Variants in ACSL6 observed in about 807,000 individuals in gnomAD.
ACSL6 encodes long-chain-fatty-acid--CoA ligase 6.
In ACSL6, 47 loss-of-function variants were observed where a neutral mutation model predicts 98.2. The ratio of observed to expected loss-of-function variants is 0.48; its 90% CI spans 0.38 to 0.61. The LOEUF is 0.61. ACSL6 is among the 20% of genes least tolerant of loss of function. The pLI is 0.00. For synonymous variants in ACSL6, 362 were observed against 336.9 expected, an observed-to-expected ratio of 1.07 and a Z score of -0.82; for missense variants, 761 against 913.4, an observed-to-expected ratio of 0.83 and a Z score of 2.15.
chr5:131,991,174 G>T (rs1451717391), intron 2 of ACSL6, among the ~76,000 whole-genome samples: 10 of 152,344 alleles, frequency 6.6e-5, no homozygotes, highest in Middle Eastern at 3.4e-3. Flanking sequence ...CTCCGACATA[G>T]TTGGCTCATG....
chr5:131,966,476 C>T lies in ACSL6; in HGVS notation c.1653G>A (p.Thr551=), dbSNP rs573978533. Residue 551 remains threonine (T), a synonymous_variant, in exon 17 of 21, where the codon ACG becomes ACA. Transcript: ENST00000651883. ...FKGYLKDPDR[T]KEALDSDGWL... ...AGCCATCGCTGTCCAGGGCCTCCTTCGTCCTGTCTGGATCTTTCAAGTAGC... is the reference window on the plus strand; with the variant it reads ...AGCCATCGCTGTCCAGGGCCTCCTTTGTCCTGTCTGGATCTTTCAAGTAGC... The T allele has an allele frequency of 9.3e-6, 15 of 1,614,224 alleles. No homozygotes were observed. The highest frequency in any genetic ancestry group is 5.5e-5 in the South Asian group (5 of 91,092).
chr5:131,976,555 AAAG>A, intron 10 of ACSL6, 90 bp downstream of exon 10: 1 of 1,192,482 alleles, frequency 8.4e-7, no homozygotes, highest in Non-Finnish European at 1.2e-6. Flanking sequence ...AAAAAAAAAA[AAAG>A]AAAAAGAAAA....
chr5:131,975,173 A>G, intron 10 of ACSL6: 1 of 1,384,254 alleles, frequency 7.2e-7, no homozygotes, highest in Non-Finnish European at 9.4e-7. Context: ...AGGGAGGGGG[A>G]AGGTGCAGAA....
intron 1 of ACSL6, chr5:132,006,921 GGCACAGA>G (rs1289596450): frequency 9.2e-5 from 14 of 152,168 alleles, no homozygotes; most frequent in African/African-American, 3.4e-4. Flanking sequence ...CCCCCACCTG[GGCACAGA>G]GCCTAGCATC....
rs1755702798 is a variant in ACSL6, at chr5:132,011,158, G to T, written c.49+347C>A. ...CTGGTCCCAGGAGATGGACAAGGACGCAATGTCTGTTCCTGGCCTTGGCTC... is the reference window on the plus strand; with the variant it reads ...CTGGTCCCAGGAGATGGACAAGGACTCAATGTCTGTTCCTGGCCTTGGCTC... On this transcript the variant is annotated intron_variant, in intron 1 of 20. Coordinates refer to ENST00000651883, the MANE Select transcript of ACSL6 (RefSeq NM_001009185.3). This position sits in a 1 kb window ranked among gnomAD's most constrained non-coding sequence, Gnocchi z 5.4. Among the ~76,000 whole-genome samples, 1 of 152,196 alleles carries T rather than the reference G, an allele frequency of 6.6e-6. No individual in the cohort carries two copies. The highest frequency in any genetic ancestry group is 1.9e-4 in the East Asian group (1 of 5,194).
chr5:132,002,215 G>A (rs1561811189), intron 1 of ACSL6, among the ~76,000 whole-genome samples: 1 of 152,240 alleles, frequency 6.6e-6, no homozygotes, highest in African/African-American at 2.4e-5. Context: ...CTCCTGTGCA[G>A]GAAGCCAAAT....
In ACSL6 at chr5:131,953,772, T is replaced by A. The variant is rs570477589; in HGVS notation, c.*462A>T. ...TTCTTTTAGCATGATTCTATACACC[T>A]AGCTTTAATTTTTGAAGTCTGATTT... On this transcript the variant is annotated 3_prime_UTR_variant, in exon 21 of 21. Transcript: ENST00000651883. The A allele has an allele frequency of 1.0e-3, 198 of 194,104 alleles. 1 individual carries two copies. Among genetic ancestry groups the A allele is most frequent in the African/African-American group, 4.3e-3 (188 of 43,318 alleles). The allele number at this position is 194,104 out of a possible 1,614,324, so 12.0% of individuals were successfully genotyped here.
rs553497785 is a variant in ACSL6, at chr5:131,951,851, T to C, written c.*2383A>G. The C allele has an allele frequency of 3.7e-4, 61 of 164,622 alleles. No homozygotes were observed. The highest frequency in any genetic ancestry group is 7.1e-4 in the Non-Finnish European group (54 of 75,720). 10.2% of individuals were successfully genotyped at this position (164,622 alleles called of 1,614,324 possible). ...ATCTGCCCGCCTCGGCCTCCCAAAGTGCTGGGATTACAGGCATGAGCCACC... is the reference window on the plus strand; with the variant it reads ...ATCTGCCCGCCTCGGCCTCCCAAAGCGCTGGGATTACAGGCATGAGCCACC... On this transcript the variant is annotated 3_prime_UTR_variant, in exon 21 of 21. Transcript: ENST00000651883.
At chr5:132,008,397 C>T (rs1429688086) in intron 1 of ACSL6, among the ~76,000 whole-genome samples, 1 of 152,210 alleles carries the variant, frequency 6.6e-6, no homozygotes, top group African/African-American at 2.4e-5. Context: ...AACTTTGTCT[C>T]GCCCCACCAG....
chr5:131,986,214 G>A (rs1157382819), intron 8 of ACSL6, among the ~76,000 whole-genome samples: 2 of 152,208 alleles, frequency 1.3e-5, no homozygotes, highest in Non-Finnish European at 2.9e-5. Flanking sequence ...AACACCAGGA[G>A]CTACCCATGC....
chr5:132,002,522 G>T (rs1007611083), intron 1 of ACSL6, among the ~76,000 whole-genome samples: 2 of 152,098 alleles, frequency 1.3e-5, no homozygotes, highest in South Asian at 2.1e-4. Flanking sequence ...TCACTGAGGT[G>T]GGGGGAGCAA....
chr5:131,986,165 G>A (rs1652127168), intron 8 of ACSL6, among the ~76,000 whole-genome samples: 1 of 152,190 alleles, frequency 6.6e-6, no homozygotes, highest in African/African-American at 2.4e-5. Flanking sequence ...TGGGAGAGTG[G>A]TTCTCTAAAA....
At chr5:131,965,830 T>C (rs982588745) in intron 17 of ACSL6, among the ~76,000 whole-genome samples, 4 of 152,186 alleles carry the variant, frequency 2.6e-5, no homozygotes, top group Admixed American at 2.0e-4. Flanking sequence ...TGAGGCAAAG[T>C]GGTTTTGGCT....
At chr5:132,011,662 G>T (rs1437936849), upstream of ACSL6, 3 of 1,261,968 alleles carry the variant, frequency 2.4e-6, no homozygotes, top group Admixed American at 4.3e-5. The surrounding 1 kb of genome is among the most constrained non-coding windows in gnomAD (Gnocchi z 5.4). Context: ...CGCCGCTGCC[G>T]GGTATTTTTA....
In ACSL6 at chr5:132,011,398, G is replaced by A. The variant is rs1561818150; in HGVS notation, c.49+107C>T. The stretch of plus-strand genomic sequence containing the variant: ...CCTTGACGGGACAGCTCAGCAGCAG[G>A]GGATGGGGGCTCGGCGGCCGCGGAG... On this transcript the variant is annotated intron_variant, in intron 1 of 20. Coordinates refer to ENST00000651883, the MANE Select transcript of ACSL6 (RefSeq NM_001009185.3). The surrounding 1 kb of genome is among the most constrained non-coding windows in gnomAD (Gnocchi z 5.4). The A allele has an allele frequency of 4.1e-6, 5 of 1,223,278 alleles. No homozygotes were observed. The highest frequency in any genetic ancestry group is 6.0e-6 in the Non-Finnish European group (5 of 839,160). The allele number at this position is 1,223,278 out of a possible 1,614,324, so 75.8% of individuals were successfully genotyped here.
At chr5:132,004,864 G>C (rs1324765131) in intron 1 of ACSL6, among the ~76,000 whole-genome samples, 3 of 152,178 alleles carry the variant, frequency 2.0e-5, no homozygotes, top group Non-Finnish European at 4.4e-5. Flanking sequence ...GAGTTGGCTG[G>C]GCATGGTGGC....
chr5:131,971,502 C>A, intron 14 of ACSL6, 48 bp downstream of exon 14: 2 of 1,502,540 alleles, frequency 1.3e-6, no homozygotes, highest in Non-Finnish European at 1.8e-6. Context: ...TTTTCCTGCC[C>A]TAACGAACTT....
intron 14 of ACSL6, 81 bp from the exon 15 acceptor site, chr5:131,970,281 T>C: frequency 7.7e-7 from 1 of 1,296,294 alleles, no homozygotes. Context: ...ACAGCTAACC[T>C]CCCACTGAGC....
chr5:132,002,966 C>A (rs1233031240), intron 1 of ACSL6, among the ~76,000 whole-genome samples: 2 of 152,154 alleles, frequency 1.3e-5, no homozygotes, highest in Non-Finnish European at 2.9e-5. Flanking sequence ...CAAAAGTGCC[C>A]CAGGCAAGCT....
Sources: allele counts gnomAD v4.1 joint callset (sites outside exome capture counted in the v4.1 genomes callset), GRCh38; gene constraint gnomAD v4.1.1; non-coding constraint Gnocchi (gnomAD v3.1); transcripts MANE v1.5; gene names NCBI Gene and HGNC (gene_info 2026-07-23, HGNC 2026-07-21).